SYT16: variants seen among roughly 807,000 people sequenced by gnomAD.
The protein encoded by SYT16 is synaptotagmin 16, also known as synaptotagmin-16.
SYT16 carries 42 observed loss-of-function variants against 61.4 expected under a neutral mutation model. That is an observed-to-expected ratio of 0.68 (90% CI 0.53 to 0.89). SYT16 has a LOEUF of 0.89. Among genes scored for constraint, SYT16 ranks in the 40% least tolerant of loss-of-function variants. The probability of loss-of-function intolerance (pLI) is 0.00; values close to 1 mark genes in which losing one functional copy is unlikely to be tolerated. For missense variants in SYT16, 804 were observed against 807.3 expected (o/e 1.00, Z 0.05); for synonymous variants, 314 against 302.3 (o/e 1.04, Z -0.40).
At chr14:61,839,951 G>A (rs1190407919) in intron 1 of SYT16, among the ~76,000 whole-genome samples, 1 of 151,752 alleles carries the variant, frequency 6.6e-6, no homozygotes, top group East Asian at 1.9e-4. Context: ...GGGAAAGGGA[G>A]AGGAGAAGGA....
chr14:61,942,013 G>A (rs2050230341), intron 1 of SYT16, among the ~76,000 whole-genome samples: 3 of 152,170 alleles, frequency 2.0e-5, no homozygotes, highest in African/African-American at 4.8e-5. Context: ...TATGAAAGAT[G>A]TTCAGAAATT....
intron 2 of SYT16, among the ~76,000 whole-genome samples, chr14:61,984,477 CATATTT>C (rs1212074196): frequency 4.6e-5 from 7 of 152,050 alleles, no homozygotes; most frequent in Admixed American, 4.6e-4. Context: ...TTGCAGGACT[CATATTT>C]ATATTAAAAT....
chr14:61,935,599 A>G (rs1447428220), intron 1 of SYT16, among the ~76,000 whole-genome samples: 2 of 152,154 alleles, frequency 1.3e-5, no homozygotes, highest in Non-Finnish European at 2.9e-5. Context: ...GGGGTGGTGA[A>G]ACGGACCAAG....
chr14:62,051,348 G>C (rs144600848), intron 3 of SYT16, among the ~76,000 whole-genome samples: 1 of 152,168 alleles, frequency 6.6e-6, no homozygotes. Flanking sequence ...GGAGTGACCC[G>C]ATTTTCCAGG....
intron 7 of SYT16, among the ~76,000 whole-genome samples, chr14:62,099,871 TTGTGTGTCTGTC>T (rs1157639619): frequency 1.4e-4 from 21 of 151,948 alleles, no homozygotes; most frequent in African/African-American, 3.1e-4. Context: ...GAGCAAGACC[TTGTGTGTCTGTC>T]TGTCTGTCTG....
At chr14:61,868,672 G>T (rs1346210079) in intron 1 of SYT16, among the ~76,000 whole-genome samples, 1 of 151,974 alleles carries the variant, frequency 6.6e-6, no homozygotes, top group African/African-American at 2.4e-5. Flanking sequence ...ACATTTGTAT[G>T]AGATGATTCC....
At chr14:61,951,817 T>A (rs1444589748) in intron 1 of SYT16, among the ~76,000 whole-genome samples, 1 of 152,094 alleles carries the variant, frequency 6.6e-6, no homozygotes, top group Non-Finnish European at 1.5e-5. Flanking sequence ...TAAGATAGGG[T>A]CTCACTCTGT....
chr14:61,993,067 A>T (rs2052620432), intron 2 of SYT16, among the ~76,000 whole-genome samples: 1 of 152,056 alleles, frequency 6.6e-6, no homozygotes, highest in Non-Finnish European at 1.5e-5. Flanking sequence ...AACCAAGGGG[A>T]TATGAGGCCA....
At chr14:61,829,281 AT>A (rs1463314566) in intron 1 of SYT16, among the ~76,000 whole-genome samples, 1 of 152,156 alleles carries the variant, frequency 6.6e-6, no homozygotes, top group Admixed American at 6.5e-5. Context: ...TGTCATTTGA[AT>A]TGTTATCCCA....
intron 3 of SYT16, among the ~76,000 whole-genome samples, chr14:62,054,365 T>G (rs1451751753): frequency 1.3e-5 from 2 of 149,970 alleles, no homozygotes; most frequent in East Asian, 2.0e-4. Flanking sequence ...AGTGAGTTTT[T>G]TTTTTTTTTT....
At chr14:61,819,650 A>G (rs2045553433) in intron 1 of SYT16, among the ~76,000 whole-genome samples, 1 of 152,206 alleles carries the variant, frequency 6.6e-6, no homozygotes, top group Non-Finnish European at 1.5e-5. Context: ...ACTTAATTCA[A>G]AAGAGCACCA....
At chr14:61,987,068 TTATGGGAGAA>T in intron 2 of SYT16, among the ~76,000 whole-genome samples, 1 of 152,224 alleles carries the variant, frequency 6.6e-6, no homozygotes, top group East Asian at 1.9e-4. Context: ...ATAAGGGGTG[TTATGGGAGAA>T]TATTTCAGCG....
At chr14:61,876,147 G>T (rs2140311326) in intron 1 of SYT16, among the ~76,000 whole-genome samples, 1 of 152,280 alleles carries the variant, frequency 6.6e-6, no homozygotes, top group Middle Eastern at 3.4e-3. Context: ...GCATCTTCCT[G>T]AATTTATGAT....
chr14:61,906,696 ACCATCCATCCATCCTTCCAT>A lies in SYT16; in HGVS notation c.-324-63421_-324-63402del, dbSNP rs1176332968. Among the ~76,000 whole-genome samples the A allele has an allele frequency of 2.9e-5, 4 of 137,182 alleles. No individual in the cohort carries two copies. In the East Asian group the frequency reaches 7.1e-4, roughly 25 times the overall value. The allele number at this position is 137,182 out of a possible 152,430, so 90.0% of individuals were successfully genotyped here. A position where few individuals can be genotyped will look rare whatever the true frequency, so the allele number is the denominator to read the frequency against. On this transcript the variant is annotated intron_variant, in intron 1 of 7. Coordinates refer to ENST00000683842, the MANE Select transcript of SYT16 (RefSeq NM_001367656.1). ...GAACAGCTACACTAACTCAAGATGT[ACCATCCATCCATCCTTCCAT>A]CCATCCATCCATCCATCCATCCATC...
At chr14:61,843,881 A>C (rs747411165) in intron 1 of SYT16, among the ~76,000 whole-genome samples, 1 of 152,126 alleles carries the variant, frequency 6.6e-6, no homozygotes, top group Non-Finnish European at 1.5e-5. Context: ...CATTTTGGCT[A>C]TTCTGGGTCT....
At chr14:62,054,005 G>A (rs566431948) in intron 3 of SYT16, among the ~76,000 whole-genome samples, 18 of 152,290 alleles carry the variant, frequency 1.2e-4, no homozygotes, top group Middle Eastern at 3.4e-3. Flanking sequence ...AGTCATAGCC[G>A]TGAATGTGCA....
At chr14:62,097,479 A>G (rs190377641) in intron 7 of SYT16, among the ~76,000 whole-genome samples, 1 of 152,286 alleles carries the variant, frequency 6.6e-6, no homozygotes, top group African/African-American at 2.4e-5. Flanking sequence ...AGAGTAAGTC[A>G]CGGAACCCCA....
intron 1 of SYT16, among the ~76,000 whole-genome samples, chr14:61,855,604 A>G (rs1340122507): frequency 6.6e-6 from 1 of 152,250 alleles, no homozygotes; most frequent in Non-Finnish European, 1.5e-5. Flanking sequence ...TACTGAATAC[A>G]TATTGCTTTT....
chr14:61,893,545 A>G (rs1402579137), intron 1 of SYT16, among the ~76,000 whole-genome samples: 1 of 152,244 alleles, frequency 6.6e-6, no homozygotes, highest in Non-Finnish European at 1.5e-5. Context: ...AAAAAGAATC[A>G]TTAATAATAA....
Sources: gnomAD v4.1 joint callset for allele counts (sites outside exome capture counted in the v4.1 genomes callset) on GRCh38, gnomAD v4.1.1 for gene constraint, MANE v1.5 for transcripts, NCBI Gene and HGNC (gene_info 2026-07-23, HGNC 2026-07-21) for gene names.